Variants in ABTB2 observed in about 807,000 individuals in gnomAD.
The protein encoded by ABTB2 is ankyrin repeat and BTB domain containing 2.
A neutral mutation model predicts 104.1 loss-of-function variants in ABTB2; 56 were observed. That is an observed-to-expected ratio of 0.54 (90% CI 0.43 to 0.67). ABTB2 has a LOEUF of 0.67. ABTB2 is among the 30% of genes least tolerant of loss of function. The pLI is 0.00. For missense variants in ABTB2, 1,279 were observed against 1,407.7 expected (o/e 0.91, Z 1.46); for synonymous variants, 606 against 608.2 (o/e 1.00, Z 0.05).
At chr11:34,284,151 T>A (rs1998279) in intron 1 of ABTB2, among the ~76,000 whole-genome samples, 139,495 of 152,296 alleles carry the variant, frequency 0.92, 64,100 homozygotes, top group East Asian at 1. Flanking sequence ...CACTCTGGGC[T>A]GTAAGGCCCA....
intron 1 of ABTB2, among the ~76,000 whole-genome samples, chr11:34,314,211 G>C (rs534122030): frequency 4.6e-4 from 70 of 152,292 alleles, no homozygotes; most frequent in African/African-American, 1.4e-3. Context: ...TGGATAGATG[G>C]CCATGTCGCA....
At chr11:34,216,612 G>A (rs1007115990) in intron 1 of ABTB2, among the ~76,000 whole-genome samples, 14 of 152,044 alleles carry the variant, frequency 9.2e-5, no homozygotes, top group African/African-American at 1.9e-4. Context: ...TTAGCCAGGC[G>A]TGGTGGCAGG....
chr11:34,266,705 C>T (rs2133077889), intron 1 of ABTB2, among the ~76,000 whole-genome samples: 1 of 152,220 alleles, frequency 6.6e-6, no homozygotes, highest in African/African-American at 2.4e-5. Flanking sequence ...ACTCTGATGA[C>T]TAAGCCATTG....
Position 34,293,752 on chromosome 11 carries a change from T to G in ABTB2, c.883+62949A>C, listed in dbSNP as rs192400320. 1.3e-3 allele frequency among the ~76,000 whole-genome samples: 203 copies of G among 150,788 alleles called. 1 individual carries two copies. The highest frequency in any genetic ancestry group is 4.7e-3 in the African/African-American group (192 of 40,972). ...TTTTTTTTTTTTCCTCAAGATGGAG[T>G]CTTCCTCTGTCGCCCAGGCTGGAGT... On this transcript the variant is annotated intron_variant, in intron 1 of 16. Coordinates refer to ENST00000435224, the MANE Select transcript of ABTB2 (RefSeq NM_145804.3).
chr11:34,240,291 CTG>C (rs1226687226), intron 1 of ABTB2, among the ~76,000 whole-genome samples: 1 of 152,196 alleles, frequency 6.6e-6, no homozygotes, highest in Non-Finnish European at 1.5e-5. Context: ...CTGGTGGTGA[CTG>C]TGAAGCCAAG....
At chr11:34,244,142 C>T (rs1454377261) in intron 1 of ABTB2, among the ~76,000 whole-genome samples, 1 of 152,172 alleles carries the variant, frequency 6.6e-6, no homozygotes, top group Non-Finnish European at 1.5e-5. Context: ...GCCAAACCTT[C>T]CCCAGGAGGG....
rs768353346 is a variant in ABTB2 at position 34,162,774 on chromosome 11, G to T, written c.2020C>A (p.Gln674Lys). Residue 674 changes from glutamine to lysine, a missense_variant, in exon 10 of 17, where the codon CAG becomes AAG. Gln to Lys is a moderately conservative substitution (Grantham distance 53, BLOSUM62 1). Coordinates refer to ENST00000435224, the MANE Select transcript of ABTB2 (RefSeq NM_145804.3). ...NVLRKLLTQPQQAKADVLSLE... is the reference protein window; with the variant it reads ...NVLRKLLTQPKQAKADVLSLE... Reference sequence around the variant, plus strand: ...GACAGCACGTCCGCTTTAGCCTGCTGTGGCTGCGTCAGGAGCTTCCTCAGG... The same window carrying T: ...GACAGCACGTCCGCTTTAGCCTGCTTTGGCTGCGTCAGGAGCTTCCTCAGG... 1.9e-6 allele frequency: 3 copies of T among 1,607,552 alleles called. No homozygotes were observed. The highest frequency in any genetic ancestry group is 1.6e-4 in the Middle Eastern group (1 of 6,062).
chr11:34,282,291 A>G (rs1854456341), intron 1 of ABTB2, among the ~76,000 whole-genome samples: 1 of 152,232 alleles, frequency 6.6e-6, no homozygotes, highest in Non-Finnish European at 1.5e-5. Flanking sequence ...CCATTGTAAT[A>G]TAGAACATTT....
chr11:34,237,828 G>A (rs1379895514), intron 1 of ABTB2, among the ~76,000 whole-genome samples: 1 of 152,140 alleles, frequency 6.6e-6, no homozygotes, highest in Non-Finnish European at 1.5e-5. Flanking sequence ...GAGGTGGGAA[G>A]TGGAAGTTGC....
intron 16 of ABTB2, 37 bp from the exon 17 acceptor site, chr11:34,152,621 C>T: frequency 6.4e-7 from 1 of 1,574,044 alleles, no homozygotes; most frequent in African/African-American, 1.3e-5. Context: ...AGCCCATCGC[C>T]TTAGTACAGC....
At chr11:34,246,476 C>T (rs2133066243) in intron 1 of ABTB2, among the ~76,000 whole-genome samples, 1 of 151,944 alleles carries the variant, frequency 6.6e-6, no homozygotes, top group Non-Finnish European at 1.5e-5. Flanking sequence ...TGGTGCATGC[C>T]TGTAATCCCA....
intron 1 of ABTB2, chr11:34,336,091 G>A (rs1855190610): frequency 3.2e-6 from 1 of 314,512 alleles, no homozygotes; most frequent in Non-Finnish European, 5.9e-6. Flanking sequence ...CCCAGAACCT[G>A]ACGTTCCTGC....
chr11:34,218,741 C>T (rs914996545), intron 1 of ABTB2, among the ~76,000 whole-genome samples: 5 of 148,400 alleles, frequency 3.4e-5, no homozygotes, highest in East Asian at 4.0e-4. Context: ...CCCAGCTACT[C>T]GAGAGGAGGC....
intron 1 of ABTB2, among the ~76,000 whole-genome samples, chr11:34,320,531 A>T (rs1854986801): frequency 6.6e-6 from 1 of 152,206 alleles, no homozygotes; most frequent in Non-Finnish European, 1.5e-5. Flanking sequence ...ACTTGGATGG[A>T]TATACCTCAC....
At chr11:34,187,829 T>C (rs544749176) in intron 3 of ABTB2, among the ~76,000 whole-genome samples, 1 of 152,184 alleles carries the variant, frequency 6.6e-6, no homozygotes, top group African/African-American at 2.4e-5. Flanking sequence ...TGAGTTAAGA[T>C]GGACTAAAGA....
At position 34,252,929 on chromosome 11, in the gene ABTB2, A is replaced by C. The variant is rs1854072623; in HGVS notation, c.884-48239T>G. 1.3e-5 allele frequency among the ~76,000 whole-genome samples: 2 copies of C among 151,948 alleles called. No individual in the cohort carries two copies. The highest frequency in any genetic ancestry group is 4.8e-5 in the African/African-American group (2 of 41,372). Reference sequence around the variant, plus strand: ...GGCCCGATTCCACCCCTCCACCCCCAGGAGGAAGAGCTGCTTTGGCAGCTG... The same window carrying C: ...GGCCCGATTCCACCCCTCCACCCCCCGGAGGAAGAGCTGCTTTGGCAGCTG... On this transcript the variant is annotated intron_variant, in intron 1 of 16. Transcript: ENST00000435224. This position sits in a 1 kb window ranked among gnomAD's most constrained non-coding sequence, Gnocchi z 5.5.
chr11:34,308,524 T>C (rs1038453038), intron 1 of ABTB2, among the ~76,000 whole-genome samples: 2 of 152,184 alleles, frequency 1.3e-5, no homozygotes, highest in African/African-American at 4.8e-5. Flanking sequence ...CTCATGGATC[T>C]TGAGTCATCA....
chr11:34,168,960 C>T (rs1225435798), intron 5 of ABTB2, among the ~76,000 whole-genome samples: 2 of 152,222 alleles, frequency 1.3e-5, no homozygotes, highest in Non-Finnish European at 2.9e-5. Flanking sequence ...TAGACAAGAT[C>T]TCCTTACCTC....
intron 1 of ABTB2, among the ~76,000 whole-genome samples, chr11:34,204,917 G>A (rs1161569199): frequency 6.6e-6 from 1 of 152,192 alleles, no homozygotes; most frequent in Non-Finnish European, 1.5e-5. Flanking sequence ...TTAAGCACGT[G>A]GAGACCATCG....
Sources: allele counts gnomAD v4.1 joint callset (sites outside exome capture counted in the v4.1 genomes callset), GRCh38; gene constraint gnomAD v4.1.1; non-coding constraint Gnocchi (gnomAD v3.1); transcripts MANE v1.5; gene names NCBI Gene and HGNC (gene_info 2026-07-23, HGNC 2026-07-21).